Variants in UFL1 observed in about 807,000 individuals in gnomAD.
UFL1 encodes the protein UFM1 specific ligase 1.
A neutral mutation model predicts 99.3 loss-of-function variants in UFL1; 78 were observed. The observed-to-expected ratio is 0.79, with a 90% CI of 0.65 to 0.95. The LOEUF is 0.95. Among genes scored for constraint, UFL1 ranks in the 40% least tolerant of loss-of-function variants. UFL1 has a pLI of 0.00. For missense variants in UFL1, 936 were observed against 937.0 expected (o/e 1.00, Z 0.01); for synonymous variants, 335 against 322.2 (o/e 1.04, Z -0.42).
At chr6:96,542,514 G>A (rs558547264) in intron 11 of UFL1, among the ~76,000 whole-genome samples, 1 of 151,338 alleles carries the variant, frequency 6.6e-6, no homozygotes, top group South Asian at 2.1e-4. Flanking sequence ...ATGAGGCTGT[G>A]GTAACACAGA....
At chr6:96,538,609 T>A (rs1329636800) in intron 9 of UFL1, 22 bp from the exon 10 acceptor site, 5 of 1,605,984 alleles carry the variant, frequency 3.1e-6, no homozygotes, top group East Asian at 2.2e-5. Flanking sequence ...ATACTTTATT[T>A]TTATTTTGTT....
intron 6 of UFL1, among the ~76,000 whole-genome samples, chr6:96,531,254 C>T (rs1769779525): frequency 6.6e-6 from 1 of 151,982 alleles, no homozygotes; most frequent in Non-Finnish European, 1.5e-5. Context: ...TACACATGTA[C>T]ATACACCCCT....
chr6:96,540,435 A>C (rs867528999), intron 10 of UFL1, 100 bp from the exon 11 acceptor site: 17 of 1,414,666 alleles, frequency 1.2e-5, no homozygotes, highest in Middle Eastern at 5.3e-4. Flanking sequence ...GTTCTAAGCA[A>C]CAAAACCAAA....
chr6:96,549,011 ACTG>A lies in UFL1; in HGVS notation c.1521-398_1521-396del, dbSNP rs535619536. 5.1e-3 allele frequency among the ~76,000 whole-genome samples: 778 copies of A among 151,824 alleles called. 10 individuals are homozygous for A. Among genetic ancestry groups the A allele is most frequent in the African/African-American group, 0.018 (740 of 41,506 alleles). On this transcript the variant is annotated intron_variant, in intron 13 of 18. Coordinates refer to ENST00000369278, the MANE Select transcript of UFL1 (RefSeq NM_015323.5). ...AAATAGTTACTACTAATCATTTTGC[ACTG>A]CTTTTTAGGCATAAAAAGGTTTTTT...
chr6:96,535,750 C>T (rs553358055), intron 7 of UFL1, among the ~76,000 whole-genome samples: 53 of 151,976 alleles, frequency 3.5e-4, no homozygotes, highest in Admixed American at 1.2e-3. Flanking sequence ...ACGTAAACAG[C>T]GGAAATGGAA....
chr6:96,552,856 T>G (rs1770102315), intron 18 of UFL1, among the ~76,000 whole-genome samples, 194 bp downstream of exon 18: 1 of 152,144 alleles, frequency 6.6e-6, no homozygotes, highest in Admixed American at 6.6e-5. Flanking sequence ...TTCAAGAATG[T>G]TCTGAATTTG....
chr6:96,545,157 C>T (rs989073880), intron 12 of UFL1, among the ~76,000 whole-genome samples: 3 of 150,984 alleles, frequency 2.0e-5, no homozygotes, highest in Non-Finnish European at 4.5e-5. Context: ...CTAAAGCTAG[C>T]ATGTCAACTC....
intron 13 of UFL1, among the ~76,000 whole-genome samples, chr6:96,548,775 A>G (rs1301731023): frequency 3.3e-5 from 5 of 151,682 alleles, no homozygotes; most frequent in Non-Finnish European, 5.9e-5. Context: ...AATGAAGAAA[A>G]TTATGTATAA....
At chr6:96,540,044 A>T (rs939376086) in intron 10 of UFL1, among the ~76,000 whole-genome samples, 8 of 145,414 alleles carry the variant, frequency 5.5e-5, no homozygotes, top group Middle Eastern at 3.4e-3. Context: ...CAAAGCAGAA[A>T]TTATCAAGAA....
intron 5 of UFL1, among the ~76,000 whole-genome samples, chr6:96,526,855 C>T (rs1769710988): frequency 6.6e-6 from 1 of 152,172 alleles, no homozygotes; most frequent in African/African-American, 2.4e-5. Flanking sequence ...GGGGGTACTA[C>T]TGGCTTCTTG....
chr6:96,548,321 T>C, intron 13 of UFL1, 40 bp downstream of exon 13: 1 of 1,186,382 alleles, frequency 8.4e-7, no homozygotes, highest in Non-Finnish European at 1.2e-6. Flanking sequence ...ATGGTAGAAA[T>C]TAAATGGGTT....
chr6:96,528,631 C>T lies in UFL1; in HGVS notation c.595C>T (p.Arg199Trp), dbSNP rs760480347. The change falls in exon 6 of 19, where the codon CGG (arginine) becomes TGG (tryptophan). Residue 199 changes from arginine (R) to tryptophan (W), a missense_variant and splice_region_variant. Transcript: ENST00000369278. ...CCGTGGACTATTCAGTGCTATTACC[C>T]GGTAAGTATATTTTAAAGTATATAT... ...RIRGLFSAIT[R>W]PTAVNSLISK... 12 of 1,609,048 alleles carry T rather than the reference C, an allele frequency of 7.5e-6. No homozygotes were observed. Among genetic ancestry groups the T allele is most frequent in the East Asian group, 2.2e-5 (1 of 44,824 alleles).
intron 2 of UFL1, 102 bp downstream of exon 2, chr6:96,523,393 T>G: frequency 8.1e-7 from 1 of 1,239,518 alleles, no homozygotes; most frequent in Non-Finnish European, 1.1e-6. Context: ...AATTATAGAT[T>G]GTAAGATATC....
In UFL1 at chr6:96,548,180, G is replaced by A; in HGVS notation, c.1419G>A (p.Glu473=). 6.3e-7 allele frequency: 1 copy of A among 1,596,304 alleles called. No homozygotes were observed. Among genetic ancestry groups the A allele is most frequent in the South Asian group, 1.1e-5 (1 of 88,388 alleles). ...CCGATATAGGAAAGAAGAAGCCAGA[G>A]ATCAGTTTTATGTTCCAGGATGAGA... ...QSSHTGKKKP[E]ISFMFQDEIE... Residue 473 remains glutamate, a synonymous_variant, in exon 13 of 19, where the codon GAG becomes GAA. Coordinates refer to ENST00000369278, the MANE Select transcript of UFL1 (RefSeq NM_015323.5).
chr6:96,531,435 T>A (rs779434717), intron 6 of UFL1, among the ~76,000 whole-genome samples: 21 of 152,232 alleles, frequency 1.4e-4, no homozygotes, highest in Admixed American at 8.5e-4. Flanking sequence ...TTATCCTTAA[T>A]GTATTTAGTT....
intron 6 of UFL1, among the ~76,000 whole-genome samples, chr6:96,531,093 C>G (rs946456482): frequency 5.9e-5 from 9 of 152,338 alleles, no homozygotes; most frequent in African/African-American, 1.9e-4. Flanking sequence ...GTTGCACGCT[C>G]TTTATGAGAA....
At chr6:96,523,000 CAGTT>C (rs1352137451) in intron 1 of UFL1, 142 bp from the exon 2 acceptor site, 9 of 644,286 alleles carry the variant, frequency 1.4e-5, no homozygotes, top group Admixed American at 3.8e-5. Flanking sequence ...CTTATTGAAT[CAGTT>C]AGTGAAAAAT....
rs1769612099 is a variant in UFL1 at position 96,521,824 on chromosome 6, T to C, written c.-50T>C. 1.9e-6 allele frequency: 3 copies of C among 1,574,056 alleles called. No homozygotes were observed. Among genetic ancestry groups the C allele is most frequent in the Admixed American group, 1.8e-5 (1 of 55,282 alleles). ...TCCGCCTCTCTTCTCCCACCGCCTG[T>C]CGGCTGACGTGTCTGCAGTTCCTCC... On this transcript the variant is annotated 5_prime_UTR_variant, in exon 1 of 19. Coordinates refer to ENST00000369278, the MANE Select transcript of UFL1 (RefSeq NM_015323.5).
chr6:96,522,679 A>G (rs1769636004), intron 1 of UFL1, among the ~76,000 whole-genome samples: 1 of 152,146 alleles, frequency 6.6e-6, no homozygotes, highest in Non-Finnish European at 1.5e-5. Context: ...ACGTGGGTAA[A>G]AGTTATGGTT....
Sources: allele counts gnomAD v4.1 joint callset (sites outside exome capture counted in the v4.1 genomes callset), GRCh38; gene constraint gnomAD v4.1.1; transcripts MANE v1.5; gene names NCBI Gene and HGNC (gene_info 2026-07-23, HGNC 2026-07-21).